The following WDR41 variants were observed in gnomAD, a reference collection of about 807,000 sequenced individuals.
The protein encoded by WDR41 is WD repeat-containing protein 41.
Under a neutral mutation model 69.3 loss-of-function variants are expected in WDR41, and 63 were observed. That is an observed-to-expected ratio of 0.91 (90% confidence interval 0.74 to 1.12). The LOEUF is 1.12. Ranked by LOEUF, WDR41 falls within the 50% of genes most tolerant of loss-of-function variation. The pLI is 0.00. For missense variants in WDR41, 543 were observed against 534.5 expected (o/e 1.02, Z -0.16); for synonymous variants, 185 against 192.1 (o/e 0.96, Z 0.31).
At chr5:77,560,950 A>G (rs1389752952) in intron 1 of WDR41, among the ~76,000 whole-genome samples, 2 of 152,146 alleles carry the variant, frequency 1.3e-5, no homozygotes. Context: ...TAAATTAACC[A>G]TGAATTCACT....
At chr5:77,546,249 G>A (rs1428704593) in intron 1 of WDR41, 3 of 381,448 alleles carry the variant, frequency 7.9e-6, no homozygotes, top group African/African-American at 4.2e-5. Context: ...CCAGGCTCCA[G>A]CTGTGGCTAC....
intron 1 of WDR41, among the ~76,000 whole-genome samples, chr5:77,618,771 A>G (rs1351586074): frequency 6.6e-6 from 1 of 152,324 alleles, no homozygotes; most frequent in East Asian, 1.9e-4. Flanking sequence ...CAGAAAAGCT[A>G]TCTTTGAACA....
At chr5:77,449,371 G>C (rs1799532190) in intron 8 of WDR41, among the ~76,000 whole-genome samples, 1 of 152,184 alleles carries the variant, frequency 6.6e-6, no homozygotes, top group South Asian at 2.1e-4. Flanking sequence ...TGTGTAACTT[G>C]CTATGTGATA....
At chr5:77,567,782 T>C (rs1743661046) in intron 1 of WDR41, among the ~76,000 whole-genome samples, 1 of 152,006 alleles carries the variant, frequency 6.6e-6, no homozygotes, top group Non-Finnish European at 1.5e-5. Flanking sequence ...CTTAATAGGT[T>C]TGGGTCCAAG....
At chr5:77,552,291 A>G (rs1311579164) in intron 1 of WDR41, among the ~76,000 whole-genome samples, 1 of 152,086 alleles carries the variant, frequency 6.6e-6, no homozygotes, top group Non-Finnish European at 1.5e-5. Context: ...GGCAATTTAC[A>G]ATAACTCCAA....
intron 5 of WDR41, 143 bp from the exon 6 acceptor site, chr5:77,454,071 AC>A: frequency 4.7e-6 from 3 of 641,516 alleles, no homozygotes; most frequent in Non-Finnish European, 8.3e-6. Context: ...TGTGGGCACT[AC>A]TAAGTGACTA....
At chr5:77,450,940 AAAG>A (rs1162694055) in intron 7 of WDR41, among the ~76,000 whole-genome samples, 1 of 152,206 alleles carries the variant, frequency 6.6e-6, no homozygotes, top group Non-Finnish European at 1.5e-5. Context: ...GTGGTTGTCA[AAAG>A]AAGGTTTTTC....
At chr5:77,448,898 C>CACAAACA (rs1554108906) in intron 8 of WDR41, among the ~76,000 whole-genome samples, 15 of 128,706 alleles carry the variant, frequency 1.2e-4, no homozygotes, top group African/African-American at 3.9e-4. Flanking sequence ...CAAACACAAA[C>CACAAACA]AAAAAAAACA....
chr5:77,603,086 C>T (rs747756682), intron 1 of WDR41, among the ~76,000 whole-genome samples: 24 of 152,084 alleles, frequency 1.6e-4, no homozygotes, highest in Non-Finnish European at 2.9e-4. Flanking sequence ...TACAGGCGCC[C>T]ACCACCATGC....
In WDR41 at chr5:77,609,701, T is replaced by G. The variant is rs533727668; in HGVS notation, c.42+10778A>C. Among the ~76,000 whole-genome samples, 3 of 151,828 alleles carry G rather than the reference T, an allele frequency of 2.0e-5. No individual in the cohort carries two copies. In the South Asian group the frequency reaches 6.2e-4, roughly 32 times the overall value. On this transcript the variant is annotated intron_variant, in intron 1 of 5. Coordinates refer to the WDR41 transcript ENST00000509971. The stretch of plus-strand genomic sequence containing the variant: ...CCAAAAGTAGATAAAACCACAAAGA[T>G]GGGGAAAAAACAGAGCAGAAAAACT...
At chr5:77,480,914 T>C (rs1381038073) in intron 2 of WDR41, among the ~76,000 whole-genome samples, 1 of 151,972 alleles carries the variant, frequency 6.6e-6, no homozygotes, top group African/African-American at 2.4e-5. Context: ...TGCACTCAAG[T>C]TTCCATGGAG....
chr5:77,473,911 T>A (rs1800757319), intron 2 of WDR41, among the ~76,000 whole-genome samples: 1 of 152,156 alleles, frequency 6.6e-6, no homozygotes. Context: ...GAAATACCAT[T>A]TGACCCAGCA....
At chr5:77,458,388 G>C (rs1244425935) in intron 5 of WDR41, among the ~76,000 whole-genome samples, 1 of 152,086 alleles carries the variant, frequency 6.6e-6, no homozygotes, top group East Asian at 1.9e-4. Context: ...ATGGAGATCA[G>C]TTATCCTTAA....
At chr5:77,461,082 C>A (rs376420389) in intron 4 of WDR41, among the ~76,000 whole-genome samples, 213 of 152,254 alleles carry the variant, frequency 1.4e-3, no homozygotes, top group Non-Finnish European at 2.4e-3. Flanking sequence ...TAATTTTAAT[C>A]ACTGCCTCAA....
chr5:77,434,478 T>TAG (rs1411761097), intron 12 of WDR41, among the ~76,000 whole-genome samples: 2 of 151,602 alleles, frequency 1.3e-5, no homozygotes, highest in African/African-American at 4.8e-5. Flanking sequence ...GTTGCGCCAG[T>TAG]AGAGCAAGGA....
intron 1 of WDR41, among the ~76,000 whole-genome samples, chr5:77,569,047 C>G (rs1743686455): frequency 6.6e-6 from 1 of 152,166 alleles, no homozygotes; most frequent in Non-Finnish European, 1.5e-5. Flanking sequence ...ACTGTTCAAG[C>G]ACTTTGACAC....
At chr5:77,488,786 C>G (rs981364326) in intron 2 of WDR41, among the ~76,000 whole-genome samples, 1 of 152,030 alleles carries the variant, frequency 6.6e-6, no homozygotes, top group Admixed American at 6.5e-5. Context: ...TCTCATGAAG[C>G]TTACATTTTA....
chr5:77,567,590 A>C (rs1049213083), intron 1 of WDR41, among the ~76,000 whole-genome samples: 3 of 151,534 alleles, frequency 2.0e-5, no homozygotes, highest in Admixed American at 6.6e-5. Context: ...AACTATTTTT[A>C]ATTAGTAATA....
Position 77,431,307 on chromosome 5 carries a change from C to A in WDR41, c.*1828G>T. ...CACCTTAGTCAACAGCCAGCAGTAT[C>A]AAGACCCTCCACCAGCAAAAAGATT... is the stretch of plus-strand genomic sequence containing the variant. On this transcript the variant is annotated 3_prime_UTR_variant, in exon 13 of 13. Transcript: ENST00000296679. 1 of 152,636 alleles carries A rather than the reference C, an allele frequency of 6.6e-6. No individual in the cohort carries two copies. Among genetic ancestry groups the A allele is most frequent in the South Asian group, 2.0e-4 (1 of 5,106 alleles). 9.5% of individuals were successfully genotyped at this position (152,636 alleles called of 1,614,324 possible).
Sources: gnomAD v4.1 joint callset for allele counts (sites outside exome capture counted in the v4.1 genomes callset) on GRCh38, gnomAD v4.1.1 for gene constraint, MANE v1.5 for transcripts, NCBI Gene and HGNC (gene_info 2026-07-23, HGNC 2026-07-21) for gene names.